MDGA2: variants seen among roughly 807,000 people sequenced by gnomAD.
The protein encoded by MDGA2 is MAM domain containing glycosylphosphatidylinositol anchor 2, also known as MAM domain-containing glycosylphosphatidylinositol anchor protein 2.
MDGA2 carries 40 observed loss-of-function variants against 117.8 expected under a neutral mutation model. That is an observed-to-expected ratio of 0.34 (90% CI 0.26 to 0.44). The LOEUF (loss-of-function observed/expected upper bound fraction) is 0.44, where lower values mean the gene tolerates loss of function less well. Among genes scored for constraint, MDGA2 ranks in the 20% least tolerant of loss-of-function variants. The pLI, the probability that MDGA2 is intolerant of heterozygous loss-of-function variation, is 1.00. For missense variants in MDGA2, 1,123 were observed against 1,250.6 expected (o/e 0.90, Z 1.54); for synonymous variants, 452 against 439.0 (o/e 1.03, Z -0.37).
chr14:47,667,225 T>C (rs1897991331), intron 1 of MDGA2, among the ~76,000 whole-genome samples: 1 of 152,200 alleles, frequency 6.6e-6, no homozygotes, highest in African/African-American at 2.4e-5. Context: ...GAATTCAAAC[T>C]GGTCACCACT....
chr14:47,458,642 G>C (rs1246787836), intron 1 of MDGA2, among the ~76,000 whole-genome samples: 1 of 152,094 alleles, frequency 6.6e-6, no homozygotes, highest in Non-Finnish European at 1.5e-5. Context: ...GTGCTAAGAG[G>C]ATAGATCCTA....
At chr14:47,508,352 A>ACACTCTCTCTCTCTCTCT (rs149881110) in intron 1 of MDGA2, among the ~76,000 whole-genome samples, 1 of 132,762 alleles carries the variant, frequency 7.5e-6, no homozygotes, top group African/African-American at 2.9e-5. Context: ...TTGCTGATTG[A>ACACTCTCTCTCTCTCTCT]CTCTCTCTCT....
At chr14:47,261,200 T>C (rs1399457095) in intron 2 of MDGA2, among the ~76,000 whole-genome samples, 1 of 152,098 alleles carries the variant, frequency 6.6e-6, no homozygotes, top group Non-Finnish European at 1.5e-5. Flanking sequence ...GCCTCCTCAA[T>C]ATCATGTTCT....
At chr14:47,064,548 C>G (rs1203660928) in intron 6 of MDGA2, among the ~76,000 whole-genome samples, 1 of 152,034 alleles carries the variant, frequency 6.6e-6, no homozygotes, top group African/African-American at 2.4e-5. Flanking sequence ...GCTCTGTAAA[C>G]TAGGTCTGGG....
At chr14:47,326,303 C>A (rs1890141971) in intron 1 of MDGA2, among the ~76,000 whole-genome samples, 1 of 152,056 alleles carries the variant, frequency 6.6e-6, no homozygotes. Flanking sequence ...ATTCTATGCA[C>A]TTTACTCATA....
chr14:47,384,683 C>T (rs371990072), intron 1 of MDGA2, among the ~76,000 whole-genome samples: 3 of 152,226 alleles, frequency 2.0e-5, no homozygotes, highest in Middle Eastern at 3.4e-3. Context: ...GGGTGGGTGC[C>T]ACAGTACTTC....
rs549362665 is a variant in MDGA2 at position 47,590,076 on chromosome 14, G to T, written c.280+84441C>A. On this transcript the variant is annotated intron_variant, in intron 1 of 16. Transcript: ENST00000399232. ...TAATTTTGTGTGTGTGTATTTGTGT[G>T]TGTGTGCGTGTGTGTATTCCTTACG... is the stretch of plus-strand genomic sequence containing the variant. Among the ~76,000 whole-genome samples the T allele has an allele frequency of 9.2e-5, 14 of 151,990 alleles. No individual in the cohort carries two copies. In the South Asian group the frequency reaches 2.9e-3, roughly 32 times the overall value.
At position 46,989,603 on chromosome 14, in the gene MDGA2, T is replaced by G. The variant is rs193284948; in HGVS notation, c.1820-31960A>C. On this transcript the variant is annotated intron_variant, in intron 8 of 16. Transcript: ENST00000399232. Reference sequence around the variant, plus strand: ...AAGATCCAGTAAACTACTGAGTAATTTGCCAGTGGGAAAGGAAAATATGTA... The same window carrying G: ...AAGATCCAGTAAACTACTGAGTAATGTGCCAGTGGGAAAGGAAAATATGTA... 1.3e-4 allele frequency among the ~76,000 whole-genome samples: 20 copies of G among 152,188 alleles called. No individual in the cohort carries two copies. The East Asian group carries it at 3.7e-3, about 28-fold the overall frequency.
At chr14:47,583,941 C>T (rs549727954) in intron 1 of MDGA2, among the ~76,000 whole-genome samples, 9 of 151,882 alleles carry the variant, frequency 5.9e-5, no homozygotes, top group South Asian at 4.1e-4. Context: ...TGTGCTAATG[C>T]GTAAACTGAG....
intron 3 of MDGA2, among the ~76,000 whole-genome samples, chr14:47,193,284 T>A (rs2899997): frequency 0.095 from 14,477 of 152,162 alleles, 833 homozygotes; most frequent in African/African-American, 0.16. Flanking sequence ...GCATCTTACC[T>A]TATTATATTG....
chr14:47,388,761 C>T (rs1891817534), intron 1 of MDGA2, among the ~76,000 whole-genome samples: 1 of 152,084 alleles, frequency 6.6e-6, no homozygotes, highest in African/African-American at 2.4e-5. Context: ...CAGGTGCACA[C>T]AGAGAAGCCT....
At chr14:47,098,725 T>A (rs1880127360) in intron 5 of MDGA2, among the ~76,000 whole-genome samples, 1 of 151,898 alleles carries the variant, frequency 6.6e-6, no homozygotes, top group Non-Finnish European at 1.5e-5. Context: ...GATCTCAACA[T>A]TTATATCATA....
chr14:47,393,443 G>T (rs1891940488), intron 1 of MDGA2, among the ~76,000 whole-genome samples: 1 of 151,800 alleles, frequency 6.6e-6, no homozygotes, highest in African/African-American at 2.4e-5. Flanking sequence ...TTTAATGCAT[G>T]AATATATTTG....
intron 2 of MDGA2, among the ~76,000 whole-genome samples, chr14:47,227,873 C>A (rs759677159): frequency 3.3e-5 from 5 of 152,122 alleles, no homozygotes; most frequent in Non-Finnish European, 7.4e-5. Flanking sequence ...TCAGTCACTT[C>A]ATGGAGTACT....
rs1882477075 is a variant in MDGA2, at chr14:46,881,953, CT to C, written c.2416+90del. On this transcript the variant is annotated intron_variant, in intron 11 of 16. Transcript: ENST00000399232. ...CAGAAAGTCAATATGCTAAGTTTTA[CT>C]TTGTGTCTAAATTTGGTAGATAGCA... 4 of 793,488 alleles carry C rather than the reference CT, an allele frequency of 5.0e-6. No individual in the cohort carries two copies. The South Asian group carries it at 1.3e-4, about 27-fold the overall frequency. The allele number at this position is 793,488 out of a possible 1,614,324, so 49.2% of individuals were successfully genotyped here.
At chr14:47,067,555 A>G (rs1890130498) in intron 6 of MDGA2, among the ~76,000 whole-genome samples, 2 of 152,120 alleles carry the variant, frequency 1.3e-5, no homozygotes, top group South Asian at 4.1e-4. Context: ...TATATTTCAG[A>G]TTCATCTAAT....
chr14:47,604,487 A>ACCCCCCCCCCCCCCCCTC (rs60602833), intron 1 of MDGA2, among the ~76,000 whole-genome samples: 1 of 92,054 alleles, frequency 1.1e-5, no homozygotes, highest in Non-Finnish European at 2.2e-5. Flanking sequence ...CAGCTTCCCC[A>ACCCCCCCCCCCCCCCCTC]CCCCCCCCCA....
intron 8 of MDGA2, among the ~76,000 whole-genome samples, chr14:47,032,864 A>G (rs903821021): frequency 6.6e-6 from 1 of 152,174 alleles, no homozygotes; most frequent in African/African-American, 2.4e-5. Flanking sequence ...AGCCATGATA[A>G]CATGATCCTC....
chr14:47,326,279 A>G (rs994100083), intron 1 of MDGA2, among the ~76,000 whole-genome samples: 1 of 152,132 alleles, frequency 6.6e-6, no homozygotes, highest in Non-Finnish European at 1.5e-5. Flanking sequence ...TATGCTTAAA[A>G]TGTGCCAAGA....
Sources: gnomAD v4.1 joint callset for allele counts (sites outside exome capture counted in the v4.1 genomes callset) on GRCh38, gnomAD v4.1.1 for gene constraint, MANE v1.5 for transcripts, NCBI Gene and HGNC (gene_info 2026-07-23, HGNC 2026-07-21) for gene names.